Variants in TCF20 observed in about 807,000 individuals in gnomAD.
The protein encoded by TCF20 is transcription factor 20.
Under a neutral mutation model 148.6 loss-of-function variants are expected in TCF20, and 3 were observed. The ratio of observed to expected loss-of-function variants is 0.02; its 90% confidence interval spans 0.01 to 0.05. TCF20 has a LOEUF of 0.05. Ranked by LOEUF, TCF20 falls within the 10% of genes least tolerant of loss-of-function variation. TCF20 has a pLI of 1.00. For synonymous variants in TCF20, 1,049 were observed against 909.5 expected (o/e 1.15, Z -2.76); for missense variants, 2,350 against 2,429.3 (o/e 0.97, Z 0.69).
At chr22:42,267,703 A>C (rs1926362806) in intron 1 of TCF20, among the ~76,000 whole-genome samples, 3 of 150,734 alleles carry the variant, frequency 2.0e-5, no homozygotes, top group Admixed American at 2.0e-4. Flanking sequence ...CTGTCTCAAA[A>C]AAACAAACAA....
At chr22:42,252,218 CAG>C (rs921251936) in intron 1 of TCF20, among the ~76,000 whole-genome samples, 14 of 150,042 alleles carry the variant, frequency 9.3e-5, no homozygotes, top group African/African-American at 3.2e-4. Context: ...ACCCAAGAGA[CAG>C]AGGTTGCAGT....
intron 1 of TCF20, among the ~76,000 whole-genome samples, chr22:42,267,063 T>C (rs1926325889): frequency 6.7e-6 from 1 of 148,544 alleles, no homozygotes; most frequent in South Asian, 2.2e-4. Flanking sequence ...TGAGGTCGAG[T>C]TTGAGACCAG....
chr22:42,238,798 CT>C (rs2012637481), intron 1 of TCF20, among the ~76,000 whole-genome samples: 1 of 152,288 alleles, frequency 6.6e-6, no homozygotes, highest in Admixed American at 6.5e-5. Flanking sequence ...TATGGGAGTG[CT>C]TTGTGGCGCT....
Position 42,259,256 on chromosome 22 carries a change from A to C in TCF20, c.-37+11083T>G, listed in dbSNP as rs1925907885. The stretch of plus-strand genomic sequence containing the variant: ...CCCTTGAGCACTTGTCATTGTTAGC[A>C]AGAATAACATAACTCCCTGGGGGGT... On this transcript the variant is annotated intron_variant, in intron 1 of 5. Transcript: ENST00000677622. Among the ~76,000 whole-genome samples the C allele has an allele frequency of 2.6e-5, 4 of 152,170 alleles. No homozygotes were observed. The South Asian group carries it at 6.2e-4, about 24-fold the overall frequency.
At chr22:42,264,720 T>G (rs1365917665) in intron 1 of TCF20, among the ~76,000 whole-genome samples, 1 of 152,256 alleles carries the variant, frequency 6.6e-6, no homozygotes, top group Non-Finnish European at 1.5e-5. Context: ...GTTTTCTTAT[T>G]TTCTTCACCG....
intron 2 of TCF20, among the ~76,000 whole-genome samples, chr22:42,198,907 T>C (rs1036734669): frequency 2.6e-5 from 4 of 152,176 alleles, no homozygotes; most frequent in African/African-American, 7.2e-5. Context: ...TCAGGTGATC[T>C]GCCCACCTTG....
At chr22:42,281,212 G>A (rs947338217) in intron 1 of TCF20, among the ~76,000 whole-genome samples, 2 of 152,194 alleles carry the variant, frequency 1.3e-5, no homozygotes, top group African/African-American at 4.8e-5. Context: ...GAAGACCCAA[G>A]CTGGTCTTTA....
rs753594466 is a variant in TCF20 at position 42,211,751 on chromosome 22, T to C, written c.3555A>G (p.Gln1185=). The C allele has an allele frequency of 1.2e-6, 2 of 1,614,220 alleles. No individual in the cohort carries two copies. Among genetic ancestry groups the C allele is most frequent in the Middle Eastern group, 1.6e-4 (1 of 6,062 alleles). The change falls in exon 2 of 6, where the codon CAA becomes CAG. Residue 1185 remains glutamine (Q), a synonymous_variant. Transcript: ENST00000677622. ...MELKHGSQKL[Q]ESCWDLSRQT... ...GCCGAGAAAGATCCCAACAGGATTC[T>C]TGTAACTTCTGGGAGCCATGCTTTA... is the stretch of plus-strand genomic sequence containing the variant.
At chr22:42,247,439 CAAAAAAAAAA>C in intron 1 of TCF20, among the ~76,000 whole-genome samples, 1 of 87,400 alleles carries the variant, frequency 1.1e-5, no homozygotes, top group East Asian at 3.3e-4. Context: ...GACTCCATCT[CAAAAAAAAAA>C]AAAAAAAAGA....
chr22:42,239,021 C>T (rs921826923), intron 1 of TCF20, among the ~76,000 whole-genome samples: 1 of 149,796 alleles, frequency 6.7e-6, no homozygotes, highest in Non-Finnish European at 1.5e-5. Flanking sequence ...GGGAGGCTGA[C>T]GCAGGAGAAT....
At chr22:42,243,292 C>CAAAAAAAAAAAAAAAAACA (rs1924605814) in intron 1 of TCF20, among the ~76,000 whole-genome samples, 1 of 39,478 alleles carries the variant, frequency 2.5e-5, no homozygotes, top group African/African-American at 8.5e-5. Flanking sequence ...GACACTGTCT[C>CAAAAAAAAAAAAAAAAACA]AAAAAAAAAA....
Position 42,211,624 on chromosome 22 carries a change from G to C in TCF20, c.3682C>G (p.Gln1228Glu). 6.2e-7 allele frequency: 1 copy of C among 1,614,226 alleles called. No homozygotes were observed. Among genetic ancestry groups the C allele is most frequent in the South Asian group, 1.1e-5 (1 of 91,086 alleles). Residue 1228 changes from glutamine (Q) to glutamate (E), a missense_variant, in exon 2 of 6, where the codon CAG becomes GAG. Around this residue, in one of 7 missense-constraint regions of TCF20, gnomAD observed 1,641 missense variants for 1,662.6 expected, o/e 0.99. Transcript: ENST00000677622. ...TDGHGLAEAT[Q>E]SSKPGSVMLR... is the part of the protein sequence containing the mutation. ...ATAACACTACCAGGTTTGGATGACT[G>C]TGTAGCCTCAGCTAGTCCATGTCCA... is the stretch of plus-strand genomic sequence containing the variant.
intron 2 of TCF20, among the ~76,000 whole-genome samples, chr22:42,197,413 C>G (rs1342952541): frequency 6.6e-6 from 1 of 151,396 alleles, no homozygotes; most frequent in Non-Finnish European, 1.5e-5. Context: ...AGCTCCGCCT[C>G]CCGGGTTCAT....
chr22:42,186,967 G>GC (rs1295390727), intron 2 of TCF20, among the ~76,000 whole-genome samples: 3 of 152,178 alleles, frequency 2.0e-5, no homozygotes, highest in African/African-American at 7.2e-5. Context: ...CGCCTCACAG[G>GC]CTTGCCTGTT....
chr22:42,203,648 C>T (rs187499207), intron 2 of TCF20, among the ~76,000 whole-genome samples: 4 of 152,260 alleles, frequency 2.6e-5, no homozygotes, highest in Admixed American at 2.6e-4. Flanking sequence ...CAAGTCTCTG[C>T]TATATACTGA....
At chr22:42,186,689 G>C (rs1468704936) in intron 2 of TCF20, among the ~76,000 whole-genome samples, 2 of 152,074 alleles carry the variant, frequency 1.3e-5, no homozygotes, top group Non-Finnish European at 2.9e-5. Flanking sequence ...GTCAGTTCTT[G>C]GCCAAGTCTC....
chr22:42,223,989 A>T (rs2147255092), intron 1 of TCF20, among the ~76,000 whole-genome samples: 1 of 152,314 alleles, frequency 6.6e-6, no homozygotes, highest in South Asian at 2.1e-4. Context: ...GAAGAGTCTG[A>T]AAGCAACTCA....
intron 1 of TCF20, among the ~76,000 whole-genome samples, chr22:42,238,381 G>T (rs1288552024): frequency 6.6e-6 from 1 of 152,214 alleles, no homozygotes; most frequent in African/African-American, 2.4e-5. Flanking sequence ...TTCCATCTGA[G>T]TCACTAAAAC....
intron 1 of TCF20, among the ~76,000 whole-genome samples, chr22:42,236,225 G>T (rs1273895985): frequency 1.3e-5 from 2 of 151,584 alleles, no homozygotes; most frequent in African/African-American, 4.9e-5. Flanking sequence ...AGACAACAAG[G>T]AAAAAAATGG....
Sources: allele counts gnomAD v4.1 joint callset (sites outside exome capture counted in the v4.1 genomes callset), GRCh38; gene constraint gnomAD v4.1.1; regional missense constraint gnomAD v4.1.1; transcripts MANE v1.5; gene names NCBI Gene and HGNC (gene_info 2026-07-23, HGNC 2026-07-21).